Variants in TUSC3 observed in about 807,000 individuals in gnomAD.
The protein encoded by TUSC3 is dolichyl-diphosphooligosaccharide--protein glycosyltransferase subunit TUSC3.
Under a neutral mutation model 44.8 loss-of-function variants are expected in TUSC3, and 45 were observed. The ratio of observed to expected loss-of-function variants is 1.00; its 90% CI spans 0.79 to 1.29. The LOEUF (loss-of-function observed/expected upper bound fraction) is 1.29, where lower values mean the gene tolerates loss of function less well. TUSC3 is among the 50% of genes most tolerant of loss of function. The pLI is 0.00. For synonymous variants in TUSC3, 212 were observed against 152.9 expected, an observed-to-expected ratio of 1.39 and a Z score of -2.85; for missense variants, 519 against 437.9, an observed-to-expected ratio of 1.19 and a Z score of -1.65.
rs547892814 is a variant in TUSC3 at position 15,721,303 on chromosome 8, G to A, written c.799-9363G>A. Among the ~76,000 whole-genome samples the A allele has an allele frequency of 8.5e-5, 13 of 152,178 alleles. No homozygotes were observed. The South Asian group carries it at 2.3e-3, about 27-fold the overall frequency. On this transcript the variant is annotated intron_variant, in intron 6 of 10. Transcript: ENST00000503731. The stretch of plus-strand genomic sequence containing the variant: ...CAATCACAAGTGCAAAATATTTGGT[G>A]ATATGAAATGAGTAACTTCATCCTT...
At chr8:15,738,827 C>CTTTTTTTTTTTT (rs375655033) in intron 7 of TUSC3, among the ~76,000 whole-genome samples, 10 of 87,200 alleles carry the variant, frequency 1.1e-4, no homozygotes, top group African/African-American at 4.8e-4. Context: ...ATATATCTTG[C>CTTTTTTTTTTTT]TTTTTTTTTT....
chr8:15,660,980 A>G (rs530320310), intron 4 of TUSC3, among the ~76,000 whole-genome samples: 6 of 151,580 alleles, frequency 4.0e-5, no homozygotes, highest in South Asian at 2.1e-4. Context: ...AAACAGTACA[A>G]ATAATGCCAA....
chr8:15,431,429 C>T (rs79695585), intron 1 of TUSC3, among the ~76,000 whole-genome samples: 7,395 of 151,478 alleles, frequency 0.049, 559 homozygotes, highest in African/African-American at 0.13. Context: ...TTTATTCTTT[C>T]GAATGCTCTT....
intron 1 of TUSC3, among the ~76,000 whole-genome samples, chr8:15,586,103 A>T (rs370032159): frequency 7.9e-6 from 1 of 126,748 alleles, no homozygotes; most frequent in African/African-American, 3.1e-5. Context: ...AATGATTAAC[A>T]GTGCTAAATA....
At chr8:15,781,857 G>T in the TUSC3 span, among the ~76,000 whole-genome samples, 1 of 152,146 alleles carries the variant, frequency 6.6e-6, no homozygotes, top group Non-Finnish European at 1.5e-5. Context: ...AACTGGATGG[G>T]CACGGTGGCT....
intron 1 of TUSC3, among the ~76,000 whole-genome samples, chr8:15,481,276 C>T (rs1259367581): frequency 1.4e-5 from 2 of 147,160 alleles, no homozygotes; most frequent in Non-Finnish European, 1.5e-5. Context: ...AAAGTGGGGT[C>T]TTTAAGAGGT....
intron 2 of TUSC3, among the ~76,000 whole-genome samples, chr8:15,515,619 G>A (rs892992691): frequency 2.6e-5 from 4 of 151,918 alleles, no homozygotes; most frequent in Non-Finnish European, 5.9e-5. Context: ...TTTTCTGATG[G>A]AAATATTTAT....
chr8:15,590,156 T>A (rs1304907433), intron 1 of TUSC3, among the ~76,000 whole-genome samples: 2 of 152,234 alleles, frequency 1.3e-5, no homozygotes, highest in Non-Finnish European at 2.9e-5. Context: ...TAAAATTATC[T>A]TAGATAATTC....
At chr8:15,651,935 TGA>T (rs1806927418) in intron 3 of TUSC3, among the ~76,000 whole-genome samples, 1 of 152,110 alleles carries the variant, frequency 6.6e-6, no homozygotes, top group Non-Finnish European at 1.5e-5. Context: ...AGCTTCACAG[TGA>T]GAGAAATGTT....
chr8:15,850,596 TAA>T, the TUSC3 span, among the ~76,000 whole-genome samples: 48 of 152,318 alleles, frequency 3.2e-4, no homozygotes, highest in Non-Finnish European at 5.3e-4. Flanking sequence ...CAGTAGGCTA[TAA>T]GTTACTGTTG....
chr8:15,478,688 G>C (rs538665819), intron 1 of TUSC3, among the ~76,000 whole-genome samples: 10 of 152,208 alleles, frequency 6.6e-5, no homozygotes, highest in Middle Eastern at 6.8e-3. Flanking sequence ...TTACAGATGG[G>C]TATTTGTGTT....
chr8:15,815,683 T>A, the TUSC3 span, among the ~76,000 whole-genome samples: 2 of 152,126 alleles, frequency 1.3e-5, no homozygotes, highest in Admixed American at 6.6e-5. Context: ...TGTTCAGCAA[T>A]TCCCATCTCT....
upstream of TUSC3, among the ~76,000 whole-genome samples, chr8:15,539,895 C>T (rs1801614532): frequency 6.6e-6 from 1 of 151,994 alleles, no homozygotes; most frequent in South Asian, 2.1e-4. Context: ...TCCCAGGGCT[C>T]TGAAGGAGAA....
At chr8:15,437,784 T>G (rs904201314) in intron 1 of TUSC3, among the ~76,000 whole-genome samples, 2 of 152,146 alleles carry the variant, frequency 1.3e-5, no homozygotes, top group Non-Finnish European at 2.9e-5. Flanking sequence ...TACCTCGAGT[T>G]TCAGATTTTC....
At chr8:15,847,614 A>G in the TUSC3 span, among the ~76,000 whole-genome samples, 1 of 152,192 alleles carries the variant, frequency 6.6e-6, no homozygotes, top group African/African-American at 2.4e-5. Context: ...AAGTACTTTT[A>G]AAAAGCTCTT....
At chr8:15,544,932 G>C (rs1349063700) in intron 1 of TUSC3, among the ~76,000 whole-genome samples, 4 of 151,940 alleles carry the variant, frequency 2.6e-5, no homozygotes, top group South Asian at 4.2e-4. Flanking sequence ...GATGGCAGAA[G>C]ACATGGGATT....
chr8:15,585,449 C>T (rs943684303), intron 1 of TUSC3, among the ~76,000 whole-genome samples: 1 of 152,010 alleles, frequency 6.6e-6, no homozygotes, highest in African/African-American at 2.4e-5. Flanking sequence ...GTTTAATAAG[C>T]GAAAGATAAA....
At chr8:15,483,482 A>C (rs562598249) in exon 2 of TUSC3, 9 of 157,534 alleles carry the variant, frequency 5.7e-5, no homozygotes, top group African/African-American at 2.2e-4. Context: ...CTGGGATTAC[A>C]GGTATGCACC....
intron 3 of TUSC3, among the ~76,000 whole-genome samples, chr8:15,651,231 T>A (rs1806890445): frequency 6.6e-6 from 1 of 152,194 alleles, no homozygotes; most frequent in African/African-American, 2.4e-5. Flanking sequence ...TATTCTGGCA[T>A]TTAATTATAG....
Sources: allele counts gnomAD v4.1 joint callset (sites outside exome capture counted in the v4.1 genomes callset), GRCh38; gene constraint gnomAD v4.1.1; transcripts MANE v1.5; gene names NCBI Gene and HGNC (gene_info 2026-07-23, HGNC 2026-07-21).